Variants in OSBPL3 observed in about 807,000 individuals in gnomAD.
OSBPL3 encodes the protein oxysterol binding protein like 3.
A neutral mutation model predicts 120.1 loss-of-function variants in OSBPL3; 65 were observed. That is an observed-to-expected ratio of 0.54 (90% CI 0.44 to 0.67). The LOEUF is 0.67. OSBPL3 is among the 30% of genes least tolerant of loss of function. The probability of loss-of-function intolerance (pLI) is 0.00; values close to 1 mark genes in which losing one functional copy is unlikely to be tolerated. For missense variants in OSBPL3, 1,004 were observed against 1,082.1 expected (o/e 0.93, Z 1.01); for synonymous variants, 416 against 402.6 (o/e 1.03, Z -0.40).
rs1378066708 is a variant in OSBPL3 at position 24,955,833 on chromosome 7, G to A, written c.-150+24053C>T. Among the ~76,000 whole-genome samples, 1 of 152,190 alleles carries A rather than the reference G, an allele frequency of 6.6e-6. No homozygotes were observed. Among genetic ancestry groups the A allele is most frequent in the East Asian group, 1.9e-4 (1 of 5,200 alleles). ...AGTAGGCATTCAATAAATATCTACAGAATGAATGTTTTTTAAAAACATACA... is the reference window on the plus strand; with the variant it reads ...AGTAGGCATTCAATAAATATCTACAAAATGAATGTTTTTTAAAAACATACA... On this transcript the variant is annotated intron_variant, in intron 1 of 22. Transcript: ENST00000313367. The surrounding 1 kb of genome is among the most constrained non-coding windows in gnomAD (Gnocchi z 4.3).
At chr7:24,889,344 T>A (rs956869789) in intron 2 of OSBPL3, among the ~76,000 whole-genome samples, 2 of 152,242 alleles carry the variant, frequency 1.3e-5, no homozygotes, top group Non-Finnish European at 2.9e-5. Context: ...TAGCAGGGTC[T>A]GATAAGTTCT....
Position 24,936,213 on chromosome 7 carries a change from CTGAG to C in OSBPL3, c.-149-43596_-149-43593del, listed in dbSNP as rs549994092. The stretch of plus-strand genomic sequence containing the variant: ...ACTTGAAAAGTTCTTCCCCATGAAG[CTGAG>C]TGAGTAAGTAAGAACATATGCGAAT... On this transcript the variant is annotated intron_variant, in intron 1 of 22. Transcript: ENST00000313367. The surrounding 1 kb of genome is among the most constrained non-coding windows in gnomAD (Gnocchi z 4.2). Among the ~76,000 whole-genome samples the C allele has an allele frequency of 8.5e-5, 13 of 152,236 alleles. No homozygotes were observed. The South Asian group carries it at 1.0e-3, about 12-fold the overall frequency.
Position 24,896,150 on chromosome 7 carries a change from GT to G in OSBPL3, c.-149-3530del, listed in dbSNP as rs1379646332. On this transcript the variant is annotated intron_variant, in intron 1 of 22. Transcript: ENST00000313367. The surrounding 1 kb of genome is among the most constrained non-coding windows in gnomAD (Gnocchi z 4.4). ...TCTGCCTAATGTCAGTGTTTGATGT[GT>G]GACAGAATTCGGTTTGGGATCTGCT... Among the ~76,000 whole-genome samples, 1 of 152,218 alleles carries G rather than the reference GT, an allele frequency of 6.6e-6. No homozygotes were observed. Among genetic ancestry groups the G allele is most frequent in the Non-Finnish European group, 1.5e-5 (1 of 68,040 alleles).
chr7:24,864,558 T>C (rs1242556417), intron 7 of OSBPL3, among the ~76,000 whole-genome samples: 1 of 152,236 alleles, frequency 6.6e-6, no homozygotes, highest in Non-Finnish European at 1.5e-5. Context: ...TGATATTACC[T>C]GTATTCAACA....
rs570603014 is a variant in OSBPL3 at position 24,946,971 on chromosome 7, A to G, written c.-150+32915T>C. Among the ~76,000 whole-genome samples the G allele has an allele frequency of 6.6e-6, 1 of 152,222 alleles. No homozygotes were observed. Among genetic ancestry groups the G allele is most frequent in the African/African-American group, 2.4e-5 (1 of 41,452 alleles). ...TTGGCTTGTGCTCAAAACGAAAAGGATAAGCATTATTGTTCATTATTCTTG... is the reference window on the plus strand; with the variant it reads ...TTGGCTTGTGCTCAAAACGAAAAGGGTAAGCATTATTGTTCATTATTCTTG... On this transcript the variant is annotated intron_variant, in intron 1 of 22. Transcript: ENST00000313367. This position sits in a 1 kb window ranked among gnomAD's most constrained non-coding sequence, Gnocchi z 4.3.
chr7:24,809,848 T>G lies in OSBPL3; in HGVS notation c.2276A>C (p.Tyr759Ser). ...GGCAGAAGAGGAGCCGCCGCCACAG[T>G]AGATGCTTTCATGCCATTTCCCAAA... The part of the protein sequence containing the change: ...RLFGKWHESI[Y>S]CGGGSSSACV... The change falls in exon 20 of 23, where the codon TAC becomes TCC. Residue 759 changes from tyrosine to serine, a missense_variant. This residue lies in a region of OSBPL3 where 473 missense variants were observed against 568.0 expected (regional missense o/e 0.83). Coordinates refer to ENST00000313367, the MANE Select transcript of OSBPL3 (RefSeq NM_015550.4). 2 of 1,614,136 alleles carry G rather than the reference T, an allele frequency of 1.2e-6. No homozygotes were observed. The highest frequency in any genetic ancestry group is 1.7e-6 in the Non-Finnish European group (2 of 1,180,014).
At chr7:24,934,831 C>T (rs1284891417) in intron 1 of OSBPL3, among the ~76,000 whole-genome samples, 5 of 152,160 alleles carry the variant, frequency 3.3e-5, no homozygotes, top group Non-Finnish European at 5.9e-5. Flanking sequence ...TGGCAACAGG[C>T]AGATGGAAAC....
chr7:24,866,744 T>C (rs1357802932), intron 5 of OSBPL3, among the ~76,000 whole-genome samples: 1 of 152,192 alleles, frequency 6.6e-6, no homozygotes, highest in East Asian at 1.9e-4. Context: ...GAGAAAGAAA[T>C]GCAGAGTAAA....
chr7:24,861,883 T>TA, intron 9 of OSBPL3, 114 bp from the exon 10 acceptor site: 17 of 523,244 alleles, frequency 3.2e-5, no homozygotes, highest in Non-Finnish European at 4.5e-5. Context: ...TATAGGTAGG[T>TA]CTTTTTTTTT....
intron 2 of OSBPL3, among the ~76,000 whole-genome samples, chr7:24,890,280 T>G (rs1014385915): frequency 2.0e-5 from 3 of 152,254 alleles, no homozygotes; most frequent in African/African-American, 7.2e-5. Context: ...TCTTACTATG[T>G]AAATCTTGAA....
rs1303072889 is a variant in OSBPL3 at position 24,834,421 on chromosome 7, CCGTGAATGGCCT to C, written c.1746+53_1746+64del. On this transcript the variant is annotated intron_variant, in intron 15 of 22. Transcript: ENST00000313367. This position sits in a 1 kb window ranked among gnomAD's most constrained non-coding sequence, Gnocchi z 5.2. ...ACAGGGGCTGTCTCTCTGATGGGCC[CCGTGAATGGCCT>C]CGTGGCTTGGGGACCGAGGCTGGAC... 6.4e-7 allele frequency: 1 copy of C among 1,557,632 alleles called. No homozygotes were observed. Among genetic ancestry groups the C allele is most frequent in the Non-Finnish European group, 8.7e-7 (1 of 1,152,630 alleles).
At chr7:24,858,782 C>G (rs1214153724) in intron 10 of OSBPL3, among the ~76,000 whole-genome samples, 1 of 152,224 alleles carries the variant, frequency 6.6e-6, no homozygotes, top group Non-Finnish European at 1.5e-5. Context: ...TGCAGGAGGA[C>G]TGGATCAATG....
chr7:24,954,251 G>T (rs765676245), intron 1 of OSBPL3, among the ~76,000 whole-genome samples: 13 of 152,118 alleles, frequency 8.5e-5, no homozygotes, highest in Non-Finnish European at 1.6e-4. Context: ...GCATATTAAG[G>T]TATTTTTAGA....
intron 1 of OSBPL3, among the ~76,000 whole-genome samples, chr7:24,920,964 A>T (rs1034987787): frequency 6.6e-6 from 1 of 152,216 alleles, no homozygotes; most frequent in Non-Finnish European, 1.5e-5. Context: ...AATTATATCC[A>T]GTAATGAACC....
rs773240739 is a variant in OSBPL3, at chr7:24,818,948, C to T, written c.1948+1227G>A. ...ACAAAACTACTTTGAGAAGACCCCTCGCATTAAAAAAAAATCCAACTTTTG... is the reference window on the plus strand; with the variant it reads ...ACAAAACTACTTTGAGAAGACCCCTTGCATTAAAAAAAAATCCAACTTTTG... On this transcript the variant is annotated intron_variant, in intron 17 of 22. Coordinates refer to ENST00000313367, the MANE Select transcript of OSBPL3 (RefSeq NM_015550.4). The surrounding 1 kb of genome is among the most constrained non-coding windows in gnomAD (Gnocchi z 4.0). Among the ~76,000 whole-genome samples the T allele has an allele frequency of 1.3e-5, 2 of 151,946 alleles. No individual in the cohort carries two copies. Among genetic ancestry groups the T allele is most frequent in the African/African-American group, 4.8e-5 (2 of 41,356 alleles).
rs542135032 is a variant in OSBPL3, at chr7:24,798,010, T to G, written c.*2173A>C. ...TATCAGGATGCATCACCAAGCTGTT[T>G]AAATTTCAGAAAAGCCCTTTATAGA... On this transcript the variant is annotated 3_prime_UTR_variant, in exon 23 of 23. Transcript: ENST00000313367. This position sits in a 1 kb window ranked among gnomAD's most constrained non-coding sequence, Gnocchi z 4.6. 5.3e-5 allele frequency: 8 copies of G among 152,310 alleles called. No homozygotes were observed. Among genetic ancestry groups the G allele is most frequent in the African/African-American group, 1.9e-4 (8 of 41,590 alleles). 9.4% of individuals were successfully genotyped at this position (152,310 alleles called of 1,614,324 possible).
At chr7:24,919,618 G>A (rs941575968) in intron 1 of OSBPL3, among the ~76,000 whole-genome samples, 8 of 151,736 alleles carry the variant, frequency 5.3e-5, no homozygotes, top group Non-Finnish European at 7.4e-5. Flanking sequence ...TCTGATATAC[G>A]GCACTTAAAA....
chr7:24,819,613 G>A lies in OSBPL3; in HGVS notation c.1948+562C>T, dbSNP rs1051454100. 1.3e-5 allele frequency among the ~76,000 whole-genome samples: 2 copies of A among 152,058 alleles called. No individual in the cohort carries two copies. The highest frequency in any genetic ancestry group is 2.1e-4 in the South Asian group (1 of 4,822). On this transcript the variant is annotated intron_variant, in intron 17 of 22. Coordinates refer to ENST00000313367, the MANE Select transcript of OSBPL3 (RefSeq NM_015550.4). The surrounding 1 kb of genome is among the most constrained non-coding windows in gnomAD (Gnocchi z 4.1). ...TAGCAGAGAAAAATATTTTTAAAATGTATATGTGCTCACTGTCCAAAAACC... is the reference window on the plus strand; with the variant it reads ...TAGCAGAGAAAAATATTTTTAAAATATATATGTGCTCACTGTCCAAAAACC...
At position 24,813,890 on chromosome 7, in the gene OSBPL3, T is replaced by C. The variant is rs540379742; in HGVS notation, c.2172+1169A>G. 6.6e-6 allele frequency among the ~76,000 whole-genome samples: 1 copy of C among 152,300 alleles called. No homozygotes were observed. The highest frequency in any genetic ancestry group is 1.9e-4 in the East Asian group (1 of 5,182). ...AAAATGAGAGACCATTCCATACTTT[T>C]TGCCTCTGGCCAATTTTTCCATTTA... On this transcript the variant is annotated intron_variant, in intron 19 of 22. Coordinates refer to ENST00000313367, the MANE Select transcript of OSBPL3 (RefSeq NM_015550.4). The surrounding 1 kb of genome is among the most constrained non-coding windows in gnomAD (Gnocchi z 4.5).
Sources: gnomAD v4.1 joint callset for allele counts (sites outside exome capture counted in the v4.1 genomes callset) on GRCh38, gnomAD v4.1.1 for gene constraint, gnomAD v4.1.1 regional missense constraint, Gnocchi (gnomAD v3.1) non-coding constraint, MANE v1.5 for transcripts, NCBI Gene and HGNC (gene_info 2026-07-23, HGNC 2026-07-21) for gene names.